Variants in PLXDC2 observed in about 807,000 individuals in gnomAD.
PLXDC2 encodes plexin domain containing 2.
Under a neutral mutation model 68.9 loss-of-function variants are expected in PLXDC2, and 40 were observed. That is an observed-to-expected ratio of 0.58 (90% CI 0.45 to 0.76). PLXDC2 has a LOEUF of 0.76. Among genes scored for constraint, PLXDC2 ranks in the 30% least tolerant of loss-of-function variants. The pLI is 0.00. For missense variants in PLXDC2, 644 were observed against 661.9 expected (o/e 0.97, Z 0.30); for synonymous variants, 243 against 234.2 (o/e 1.04, Z -0.34).
intron 1 of PLXDC2, among the ~76,000 whole-genome samples, chr10:19,858,608 A>C (rs1433191534): frequency 6.6e-6 from 1 of 152,192 alleles, no homozygotes; most frequent in Non-Finnish European, 1.5e-5. Flanking sequence ...CATCTAAATG[A>C]AATTAGCTGC....
At chr10:19,968,879 T>G (rs545191599) in intron 1 of PLXDC2, among the ~76,000 whole-genome samples, 150 of 152,230 alleles carry the variant, frequency 9.9e-4, no homozygotes, top group African/African-American at 3.4e-3. Context: ...TTCATCAGGG[T>G]AAGGCCTCCA....
At chr10:20,110,821 C>T (rs754664006) in intron 4 of PLXDC2, among the ~76,000 whole-genome samples, 18 of 152,160 alleles carry the variant, frequency 1.2e-4, no homozygotes, top group Admixed American at 4.6e-4. Context: ...ATCTTTGTTT[C>T]GTTTTGTTTT....
intron 2 of PLXDC2, among the ~76,000 whole-genome samples, chr10:20,019,179 A>C (rs1360607413): frequency 6.9e-6 from 1 of 145,984 alleles, no homozygotes; most frequent in Non-Finnish European, 1.5e-5. Context: ...AACCAAATTG[A>C]CTGTTTTAGG....
At chr10:20,129,566 T>TACAC (rs1833838952) in intron 4 of PLXDC2, among the ~76,000 whole-genome samples, 1 of 151,312 alleles carries the variant, frequency 6.6e-6, no homozygotes, top group Admixed American at 6.6e-5. Context: ...TGTGTATATA[T>TACAC]ATACACATAT....
chr10:19,983,989 C>T (rs1456918785), intron 1 of PLXDC2, among the ~76,000 whole-genome samples: 3 of 152,162 alleles, frequency 2.0e-5, no homozygotes, highest in East Asian at 1.9e-4. Flanking sequence ...TAGGGTGATA[C>T]GTCAGTTTAA....
chr10:20,044,406 G>A (rs1835760640), intron 2 of PLXDC2, among the ~76,000 whole-genome samples: 1 of 151,278 alleles, frequency 6.6e-6, no homozygotes, highest in African/African-American at 2.4e-5. Context: ...CGCCTCCCAA[G>A]TTCAAGCAGT....
intron 10 of PLXDC2, among the ~76,000 whole-genome samples, chr10:20,212,404 A>G (rs1349476659): frequency 6.6e-5 from 10 of 152,130 alleles, no homozygotes; most frequent in Admixed American, 6.6e-4. Flanking sequence ...TCGTGTAAGC[A>G]ATTGGATACC....
chr10:20,060,160 G>A (rs773114852), intron 3 of PLXDC2, among the ~76,000 whole-genome samples: 1 of 152,102 alleles, frequency 6.6e-6, no homozygotes, highest in Admixed American at 6.5e-5. Flanking sequence ...AGCCTCCCCA[G>A]TAGCTGGGAT....
At chr10:20,262,672 TC>T (rs1014333631) in intron 13 of PLXDC2, among the ~76,000 whole-genome samples, 1 of 152,202 alleles carries the variant, frequency 6.6e-6, no homozygotes, top group African/African-American at 2.4e-5. Context: ...GGGTGGGACC[TC>T]CCAACCACAG....
chr10:20,011,263 C>G (rs748949988), intron 2 of PLXDC2, among the ~76,000 whole-genome samples: 4 of 152,112 alleles, frequency 2.6e-5, no homozygotes, highest in Non-Finnish European at 4.4e-5. Flanking sequence ...AGGAGGCCTC[C>G]GTTCTCCTGG....
intron 1 of PLXDC2, among the ~76,000 whole-genome samples, chr10:19,903,969 A>C (rs1838201658): frequency 6.6e-6 from 1 of 151,874 alleles, no homozygotes; most frequent in South Asian, 2.1e-4. Context: ...AGTTTATTTA[A>C]TTTCCATCTA....
At chr10:19,820,148 G>T (rs1836436469) in intron 1 of PLXDC2, among the ~76,000 whole-genome samples, 1 of 152,202 alleles carries the variant, frequency 6.6e-6, no homozygotes, top group African/African-American at 2.4e-5. Flanking sequence ...TGTTGTTGTT[G>T]TTCATGGATG....
intron 3 of PLXDC2, among the ~76,000 whole-genome samples, chr10:20,063,160 A>T (rs1442232335): frequency 2.0e-5 from 3 of 152,202 alleles, no homozygotes; most frequent in African/African-American, 7.2e-5. Flanking sequence ...TGATTAATTT[A>T]TCAATTCATT....
At chr10:20,095,913 G>A (rs1007609347) in intron 4 of PLXDC2, among the ~76,000 whole-genome samples, 4 of 152,170 alleles carry the variant, frequency 2.6e-5, no homozygotes, top group African/African-American at 9.7e-5. Context: ...TTTGTGTAAT[G>A]TTGGGTTAAA....
chr10:20,111,486 G>C (rs1389033644), intron 4 of PLXDC2, among the ~76,000 whole-genome samples: 2 of 152,104 alleles, frequency 1.3e-5, no homozygotes, highest in South Asian at 2.1e-4. Flanking sequence ...TGGACCATAG[G>C]TGTTCTCTAA....
intron 13 of PLXDC2, 37 bp from the exon 14 acceptor site, chr10:20,279,666 T>C: frequency 1.3e-6 from 2 of 1,549,670 alleles, no homozygotes; most frequent in South Asian, 1.1e-5. Context: ...AATCTTACCC[T>C]GACGCACATT....
intron 4 of PLXDC2, 131 bp from the exon 5 acceptor site, chr10:20,143,164 A>G (rs1834028539): frequency 2.2e-6 from 2 of 917,842 alleles, no homozygotes; most frequent in Non-Finnish European, 3.1e-6. Flanking sequence ...GATATTAAAT[A>G]TGTTCCTTTT....
At chr10:19,873,248 A>C (rs1484375978) in intron 1 of PLXDC2, among the ~76,000 whole-genome samples, 1 of 152,278 alleles carries the variant, frequency 6.6e-6, no homozygotes, top group East Asian at 1.9e-4. Flanking sequence ...CTTCTATGGG[A>C]TGCTGGCTGA....
intron 1 of PLXDC2, among the ~76,000 whole-genome samples, chr10:19,968,554 A>G (rs908954820): frequency 6.6e-6 from 1 of 152,056 alleles, no homozygotes; most frequent in African/African-American, 2.4e-5. Flanking sequence ...CTCAAGTGAT[A>G]CACCTGCCTT....
Sources: allele counts gnomAD v4.1 joint callset (sites outside exome capture counted in the v4.1 genomes callset), GRCh38; gene constraint gnomAD v4.1.1; transcripts MANE v1.5; gene names NCBI Gene and HGNC (gene_info 2026-07-23, HGNC 2026-07-21).